The following CHSY3 variants were observed in gnomAD, a reference collection of about 807,000 sequenced individuals.
The protein encoded by CHSY3 is chondroitin sulfate synthase 3.
In CHSY3, 35 loss-of-function variants were observed where a neutral mutation model predicts 67.2. That is an observed-to-expected ratio of 0.52 (90% CI 0.40 to 0.69). The LOEUF (loss-of-function observed/expected upper bound fraction) is 0.69, where lower values mean the gene tolerates loss of function less well. Ranked by LOEUF, CHSY3 falls within the 30% of genes least tolerant of loss-of-function variation. The pLI, the probability that CHSY3 is intolerant of heterozygous loss-of-function variation, is 0.00. For missense variants in CHSY3, 1,069 were observed against 1,138.5 expected, an observed-to-expected ratio of 0.94 and a Z score of 0.88; for synonymous variants, 474 against 434.7, an observed-to-expected ratio of 1.09 and a Z score of -1.12.
At chr5:130,093,241 A>G (rs909649361) in intron 2 of CHSY3, among the ~76,000 whole-genome samples, 2 of 152,208 alleles carry the variant, frequency 1.3e-5, no homozygotes, top group Admixed American at 6.5e-5. Flanking sequence ...GGACCTCCAC[A>G]GACTATAAGA....
At chr5:130,054,814 T>C (rs751042063) in intron 2 of CHSY3, among the ~76,000 whole-genome samples, 2 of 152,186 alleles carry the variant, frequency 1.3e-5, no homozygotes, top group Non-Finnish European at 2.9e-5. Context: ...CTCCACTAGT[T>C]ATGTGAGTGG....
chr5:129,920,696 G>A (rs1257493391), intron 2 of CHSY3, among the ~76,000 whole-genome samples: 1 of 152,210 alleles, frequency 6.6e-6, no homozygotes, highest in Non-Finnish European at 1.5e-5. Flanking sequence ...CACTGTGGTT[G>A]TAACTTTTAC....
At chr5:129,958,509 T>C (rs1762241746) in intron 2 of CHSY3, among the ~76,000 whole-genome samples, 1 of 152,066 alleles carries the variant, frequency 6.6e-6, no homozygotes, top group Non-Finnish European at 1.5e-5. Flanking sequence ...AACATTTTTG[T>C]AACTTTTGTA....
chr5:130,139,098 T>C (rs1768771298), intron 2 of CHSY3, among the ~76,000 whole-genome samples: 2 of 152,200 alleles, frequency 1.3e-5, no homozygotes, highest in Admixed American at 1.3e-4. Context: ...GGAAAGTGTC[T>C]AAACATAGAA....
intron 2 of CHSY3, among the ~76,000 whole-genome samples, chr5:130,094,714 A>G (rs529209706): frequency 6.6e-6 from 1 of 152,160 alleles, no homozygotes; most frequent in Non-Finnish European, 1.5e-5. Context: ...AGGGGGGTAG[A>G]ACACAGACAG....
intron 2 of CHSY3, among the ~76,000 whole-genome samples, chr5:130,164,802 A>G (rs1769686021): frequency 6.6e-6 from 1 of 152,206 alleles, no homozygotes; most frequent in African/African-American, 2.4e-5. Flanking sequence ...ATGTAAAATT[A>G]TAATTTGATT....
intron 2 of CHSY3, among the ~76,000 whole-genome samples, chr5:129,977,005 C>A (rs1314400065): frequency 7.9e-5 from 12 of 151,740 alleles, no homozygotes; most frequent in African/African-American, 2.9e-4. Flanking sequence ...CTAAAATTTT[C>A]ATTTAATTGA....
intron 2 of CHSY3, among the ~76,000 whole-genome samples, chr5:130,144,695 C>G (rs1223119683): frequency 6.6e-6 from 1 of 151,878 alleles, no homozygotes; most frequent in African/African-American, 2.4e-5. Flanking sequence ...AATAAATAGC[C>G]AAAGCAATCG....
chr5:130,146,490 G>A (rs1769078607), intron 2 of CHSY3, among the ~76,000 whole-genome samples: 1 of 152,024 alleles, frequency 6.6e-6, no homozygotes. Flanking sequence ...TGGTTAATAG[G>A]CAGAAATTAC....
intron 2 of CHSY3, among the ~76,000 whole-genome samples, chr5:129,949,560 C>G (rs1761962987): frequency 6.6e-6 from 1 of 152,144 alleles, no homozygotes; most frequent in African/African-American, 2.4e-5. Flanking sequence ...CAATCCTTGT[C>G]AAACTCTTCC....
chr5:129,963,611 T>A (rs1762393878), intron 2 of CHSY3, among the ~76,000 whole-genome samples: 2 of 151,962 alleles, frequency 1.3e-5, no homozygotes, highest in South Asian at 4.1e-4. Flanking sequence ...AATCGACCTA[T>A]TTTTAGTTGT....
At position 130,156,255 on chromosome 5, in the gene CHSY3, A is replaced by G. The variant is rs573785066; in HGVS notation, c.1087-27974A>G. On this transcript the variant is annotated intron_variant, in intron 2 of 2. Transcript: ENST00000305031. ...TCCATAAAAATTTGGTTGCTTCAAA[A>G]TAGAATGAGAGAGGAGTATGGATTT... 3.3e-5 allele frequency among the ~76,000 whole-genome samples: 5 copies of G among 152,320 alleles called. No homozygotes were observed. In the East Asian group the frequency reaches 9.6e-4, roughly 29 times the overall value.
At chr5:130,016,257 A>T (rs1764216109) in intron 2 of CHSY3, among the ~76,000 whole-genome samples, 1 of 152,210 alleles carries the variant, frequency 6.6e-6, no homozygotes, top group Admixed American at 6.5e-5. Flanking sequence ...TTTTCCACTT[A>T]AAAGGGGAGA....
chr5:130,143,792 A>ATATATGTG (rs1768972028), intron 2 of CHSY3, among the ~76,000 whole-genome samples: 1 of 88,296 alleles, frequency 1.1e-5, no homozygotes, highest in African/African-American at 5.7e-5. Context: ...GTGTATATAT[A>ATATATGTG]TATATATATA....
chr5:130,114,765 G>A (rs1767728275), intron 2 of CHSY3, among the ~76,000 whole-genome samples: 1 of 152,104 alleles, frequency 6.6e-6, no homozygotes, highest in South Asian at 2.1e-4. Flanking sequence ...AGTGTTCAGA[G>A]TGTGTCCCTT....
At chr5:130,170,194 T>C (rs752158055) in intron 2 of CHSY3, among the ~76,000 whole-genome samples, 2 of 152,096 alleles carry the variant, frequency 1.3e-5, no homozygotes, top group Non-Finnish European at 2.9e-5. Flanking sequence ...ATCCATGTGT[T>C]CCCATTGTTT....
chr5:129,984,810 G>A (rs570007414), intron 2 of CHSY3, among the ~76,000 whole-genome samples: 17 of 151,944 alleles, frequency 1.1e-4, no homozygotes, highest in Non-Finnish European at 1.5e-4. Context: ...TGACTGTTAC[G>A]TATATGTCTT....
chr5:130,018,551 A>G (rs1280476223), intron 2 of CHSY3, among the ~76,000 whole-genome samples: 1 of 152,148 alleles, frequency 6.6e-6, no homozygotes, highest in African/African-American at 2.4e-5. Context: ...TTCTCATTAC[A>G]AAGAATTTTG....
intron 2 of CHSY3, among the ~76,000 whole-genome samples, chr5:129,992,052 T>G (rs1763384695): frequency 6.6e-6 from 1 of 152,204 alleles, no homozygotes; most frequent in South Asian, 2.1e-4. Context: ...AAGAACCTTT[T>G]AATTAATTAA....
Sources: gnomAD v4.1 joint callset for allele counts (sites outside exome capture counted in the v4.1 genomes callset) on GRCh38, gnomAD v4.1.1 for gene constraint, MANE v1.5 for transcripts, NCBI Gene and HGNC (gene_info 2026-07-23, HGNC 2026-07-21) for gene names.